The following TBC1D5 variants were observed in gnomAD, a reference collection of about 807,000 sequenced individuals.
TBC1D5 encodes the protein TBC1 domain family, member 5.
TBC1D5 carries 75 observed loss-of-function variants against 100.3 expected under a neutral mutation model. That is an observed-to-expected ratio of 0.75 (90% confidence interval 0.62 to 0.91). The LOEUF (loss-of-function observed/expected upper bound fraction) is 0.91, where lower values mean the gene tolerates loss of function less well. Among genes scored for constraint, TBC1D5 ranks in the 40% least tolerant of loss-of-function variants. The pLI is 0.00. For missense variants in TBC1D5, 910 were observed against 942.4 expected (o/e 0.97, Z 0.45); for synonymous variants, 323 against 325.6 (o/e 0.99, Z 0.09).
At chr3:17,587,199 G>A (rs1193187390) in intron 2 of TBC1D5, among the ~76,000 whole-genome samples, 1 of 151,688 alleles carries the variant, frequency 6.6e-6, no homozygotes, top group Non-Finnish European at 1.5e-5. Context: ...CATAAAATCT[G>A]TAAGAATAAC....
At position 17,540,214 on chromosome 3, in the gene TBC1D5, C is replaced by T. The variant is rs1352025084; in HGVS notation, c.-35-31609G>A. Among the ~76,000 whole-genome samples the T allele has an allele frequency of 2.0e-5, 3 of 152,168 alleles. No homozygotes were observed. The South Asian group carries it at 6.2e-4, about 32-fold the overall frequency. On this transcript the variant is annotated intron_variant, in intron 2 of 21. Coordinates refer to ENST00000253692, the Ensembl canonical transcript of TBC1D5. The stretch of plus-strand genomic sequence containing the variant: ...GTTTTGTTGTTGAGTTGTAGGAATT[C>T]TCCATATATGCATTATATAACCCTT...
chr3:17,578,934 A>G (rs1325620803), intron 2 of TBC1D5, among the ~76,000 whole-genome samples: 5 of 152,190 alleles, frequency 3.3e-5, no homozygotes, highest in South Asian at 2.1e-4. Flanking sequence ...ACAGAAGTAC[A>G]TAAGAGCAGA....
intron 17 of TBC1D5, among the ~76,000 whole-genome samples, chr3:17,225,886 C>T (rs142367146): frequency 2.0e-5 from 3 of 151,986 alleles, no homozygotes; most frequent in East Asian, 1.9e-4. Context: ...GCATTTACAT[C>T]GTATTTGGTA....
At chr3:17,624,465 A>G (rs1349500192) in intron 1 of TBC1D5, among the ~76,000 whole-genome samples, 2 of 152,146 alleles carry the variant, frequency 1.3e-5, no homozygotes, top group Non-Finnish European at 2.9e-5. Flanking sequence ...CTGACATTTC[A>G]TAAAATATGC....
At chr3:17,425,364 C>T (rs1417677129) in intron 4 of TBC1D5, among the ~76,000 whole-genome samples, 2 of 152,212 alleles carry the variant, frequency 1.3e-5, no homozygotes, top group African/African-American at 2.4e-5. Flanking sequence ...AAGTGGCTCA[C>T]GCCTGTAATC....
intron 4 of TBC1D5, among the ~76,000 whole-genome samples, chr3:17,416,259 T>C (rs1006203947): frequency 6.6e-6 from 1 of 152,214 alleles, no homozygotes; most frequent in Non-Finnish European, 1.5e-5. Flanking sequence ...AGAAATGTTC[T>C]ACATCTGACT....
intron 2 of TBC1D5, among the ~76,000 whole-genome samples, chr3:17,590,051 A>G (rs980168953): frequency 6.6e-5 from 10 of 152,286 alleles, no homozygotes; most frequent in Middle Eastern, 3.4e-3. Context: ...TGAGATCAGC[A>G]CCCACTCCCC....
intron 1 of TBC1D5, among the ~76,000 whole-genome samples, chr3:17,707,886 G>A (rs2074334577): frequency 6.6e-6 from 1 of 152,128 alleles, no homozygotes. Context: ...TATTTTTGTT[G>A]TTGAGAAATT....
At chr3:17,721,718 C>G (rs915521079) in intron 1 of TBC1D5, among the ~76,000 whole-genome samples, 1 of 150,150 alleles carries the variant, frequency 6.7e-6, no homozygotes, top group African/African-American at 2.5e-5. Context: ...TGGTGGCTCA[C>G]GCCTGTAATC....
chr3:17,523,345 A>G (rs1167296322), intron 2 of TBC1D5, among the ~76,000 whole-genome samples: 1 of 152,206 alleles, frequency 6.6e-6, no homozygotes, highest in Non-Finnish European at 1.5e-5. Context: ...ATCTCCTGGG[A>G]GGTAGAACAC....
intron 17 of TBC1D5, among the ~76,000 whole-genome samples, chr3:17,215,755 A>G (rs1219208431): frequency 6.6e-6 from 1 of 152,186 alleles, no homozygotes; most frequent in Non-Finnish European, 1.5e-5. Flanking sequence ...AAAGCAGCAA[A>G]GCTGACTGAG....
chr3:17,610,687 T>C (rs894322592), intron 2 of TBC1D5, among the ~76,000 whole-genome samples: 2 of 152,178 alleles, frequency 1.3e-5, no homozygotes, highest in African/African-American at 4.8e-5. Context: ...ATATAAATCA[T>C]GATGTTTCTT....
chr3:17,400,667 G>T (rs979660485), intron 8 of TBC1D5, among the ~76,000 whole-genome samples: 4 of 152,036 alleles, frequency 2.6e-5, no homozygotes, highest in Non-Finnish European at 4.4e-5. Flanking sequence ...TGAGTCAGTG[G>T]ACTCAGAGAG....
chr3:17,350,510 T>A (rs1256416350), intron 13 of TBC1D5, among the ~76,000 whole-genome samples: 1 of 152,210 alleles, frequency 6.6e-6, no homozygotes, highest in Non-Finnish European at 1.5e-5. Context: ...ATTGATTGAA[T>A]GTGTACTACC....
chr3:17,622,550 T>C (rs2153653497), intron 2 of TBC1D5: 1 of 151,882 alleles, frequency 6.6e-6, no homozygotes, highest in East Asian at 1.9e-4. Context: ...TGTGCACATG[T>C]TAAAGGAAAA....
At chr3:17,433,227 A>C (rs545978855) in intron 3 of TBC1D5, among the ~76,000 whole-genome samples, 29 of 152,322 alleles carry the variant, frequency 1.9e-4, no homozygotes, top group Non-Finnish European at 2.4e-4. Context: ...ACTTTAGAAG[A>C]AGCAGCGGAC....
intron 13 of TBC1D5, among the ~76,000 whole-genome samples, chr3:17,326,691 C>T (rs1042349789): frequency 1.3e-5 from 2 of 152,168 alleles, no homozygotes; most frequent in African/African-American, 2.4e-5. Context: ...CCAGGTTGGG[C>T]TTGAACTCCT....
At chr3:17,731,534 A>G (rs1271912926) in intron 1 of TBC1D5, among the ~76,000 whole-genome samples, 1 of 150,984 alleles carries the variant, frequency 6.6e-6, no homozygotes, top group African/African-American at 2.4e-5. Flanking sequence ...AGAGGGTGTC[A>G]TGAGACTGGA....
intron 2 of TBC1D5, among the ~76,000 whole-genome samples, chr3:17,578,665 T>C (rs1170592184): frequency 1.3e-5 from 2 of 152,014 alleles, no homozygotes; most frequent in African/African-American, 2.4e-5. Context: ...GCTATAGAAA[T>C]ACTTCATTTC....
Sources: allele counts gnomAD v4.1 joint callset (sites outside exome capture counted in the v4.1 genomes callset), GRCh38; gene constraint gnomAD v4.1.1; transcripts MANE v1.5; gene names NCBI Gene and HGNC (gene_info 2026-07-23, HGNC 2026-07-21).